Variants in ANKS1B observed in about 807,000 individuals in gnomAD.
The protein encoded by ANKS1B is ankyrin repeat and sterile alpha motif domain containing 1B.
ANKS1B carries 36 observed loss-of-function variants against 148.3 expected under a neutral mutation model. The ratio of observed to expected loss-of-function variants is 0.24; its 90% CI spans 0.19 to 0.32. The LOEUF (loss-of-function observed/expected upper bound fraction) is 0.32. ANKS1B is among the 10% of genes least tolerant of loss of function. The pLI is 1.00. For missense variants in ANKS1B, 1,157 were observed against 1,542.6 expected (o/e 0.75, Z 4.19); for synonymous variants, 542 against 560.8 (o/e 0.97, Z 0.47).
intron 15 of ANKS1B, among the ~76,000 whole-genome samples, chr12:99,121,653 G>A (rs1185795899): frequency 6.6e-6 from 1 of 152,188 alleles, no homozygotes; most frequent in Non-Finnish European, 1.5e-5. Flanking sequence ...TATCCTGGCA[G>A]TGGAGAGGAA....
intron 14 of ANKS1B, among the ~76,000 whole-genome samples, chr12:99,157,610 G>T (rs969999144): frequency 2.6e-5 from 4 of 151,942 alleles, no homozygotes; most frequent in Admixed American, 6.6e-5. Flanking sequence ...AAATGTGTGT[G>T]TGCACAAAAC....
At chr12:99,769,987 C>T (rs2063037216) in intron 8 of ANKS1B, among the ~76,000 whole-genome samples, 1 of 152,166 alleles carries the variant, frequency 6.6e-6, no homozygotes, top group Non-Finnish European at 1.5e-5. Flanking sequence ...TCCCTACCTC[C>T]ACAAAGACTT....
intron 10 of ANKS1B, among the ~76,000 whole-genome samples, chr12:99,460,532 A>T (rs2095937845): frequency 6.6e-6 from 1 of 151,832 alleles, no homozygotes; most frequent in African/African-American, 2.4e-5. Context: ...AAAAGCTACA[A>T]GGAACTCAAA....
chr12:98,810,590 A>G (rs1267727608), intron 19 of ANKS1B, among the ~76,000 whole-genome samples: 1 of 151,970 alleles, frequency 6.6e-6, no homozygotes. Context: ...TACTAAATTC[A>G]TATATATATA....
At chr12:99,772,526 C>A (rs1198624495) in intron 8 of ANKS1B, among the ~76,000 whole-genome samples, 2 of 152,082 alleles carry the variant, frequency 1.3e-5, no homozygotes, top group Non-Finnish European at 2.9e-5. Context: ...AGTGAGGAAA[C>A]TATACGTGTG....
chr12:99,140,485 G>A (rs1179251696), intron 15 of ANKS1B, among the ~76,000 whole-genome samples: 1 of 152,166 alleles, frequency 6.6e-6, no homozygotes, highest in East Asian at 1.9e-4. Context: ...TGGCTAATCA[G>A]TAATTCTAAC....
chr12:99,453,062 G>A (rs2095779185), intron 10 of ANKS1B, among the ~76,000 whole-genome samples: 1 of 152,138 alleles, frequency 6.6e-6, no homozygotes, highest in Admixed American at 6.5e-5. Flanking sequence ...AGGCCAAGGT[G>A]GGCGGATCAC....
intron 1 of ANKS1B, among the ~76,000 whole-genome samples, chr12:99,841,054 C>T (rs753741727): frequency 1.8e-4 from 27 of 152,040 alleles, no homozygotes; most frequent in Non-Finnish European, 3.4e-4. Flanking sequence ...AATGCTGATC[C>T]CCTCCCTAAC....
chr12:98,834,373 C>A (rs534479427), intron 17 of ANKS1B, among the ~76,000 whole-genome samples: 1 of 152,252 alleles, frequency 6.6e-6, no homozygotes, highest in Admixed American at 6.5e-5. Flanking sequence ...TTTTAATACC[C>A]GTTTAAAATG....
At chr12:99,041,217 C>G (rs1407854943) in intron 17 of ANKS1B, among the ~76,000 whole-genome samples, 1 of 152,110 alleles carries the variant, frequency 6.6e-6, no homozygotes, top group East Asian at 1.9e-4. Flanking sequence ...TACTATTATT[C>G]CCTGTGCTCA....
chr12:99,526,013 G>C (rs2096923101), intron 9 of ANKS1B, among the ~76,000 whole-genome samples: 1 of 151,936 alleles, frequency 6.6e-6, no homozygotes, highest in Non-Finnish European at 1.5e-5. Context: ...AATGAGCAAA[G>C]ATTACAGGCA....
At chr12:98,997,138 T>C (rs1228047503) in intron 17 of ANKS1B, among the ~76,000 whole-genome samples, 1 of 152,116 alleles carries the variant, frequency 6.6e-6, no homozygotes, top group East Asian at 1.9e-4. Context: ...ACCCCAAATA[T>C]ACCCATCAGT....
intron 14 of ANKS1B, among the ~76,000 whole-genome samples, chr12:99,201,645 T>C (rs1285425163): frequency 2.6e-5 from 4 of 152,202 alleles, no homozygotes; most frequent in Non-Finnish European, 5.9e-5. Flanking sequence ...AAATTTTGCA[T>C]GTATACATCT....
chr12:99,319,563 T>C (rs1272428508), intron 12 of ANKS1B, among the ~76,000 whole-genome samples: 3 of 152,240 alleles, frequency 2.0e-5, no homozygotes, highest in Admixed American at 6.5e-5. Context: ...TTTGAGCCTA[T>C]GTGTGTCTCT....
downstream of ANKS1B, among the ~76,000 whole-genome samples, chr12:98,742,701 G>T (rs534959588): frequency 3.3e-4 from 50 of 152,368 alleles, no homozygotes; most frequent in African/African-American, 1.2e-3. Flanking sequence ...ATGGTCAAAA[G>T]GCCTGAGCAA....
intron 10 of ANKS1B, among the ~76,000 whole-genome samples, chr12:99,470,865 A>G (rs2096230607): frequency 6.6e-6 from 1 of 152,168 alleles, no homozygotes; most frequent in African/African-American, 2.4e-5. Context: ...ATATTTTGGC[A>G]TAAATGTGAC....
intron 12 of ANKS1B, among the ~76,000 whole-genome samples, chr12:99,357,869 C>T (rs921355585): frequency 3.3e-5 from 5 of 152,006 alleles, no homozygotes; most frequent in Admixed American, 2.0e-4. Context: ...CCCTTCTTAG[C>T]CTGCTCTTAG....
At chr12:98,793,866 C>A (rs1324872156) in intron 22 of ANKS1B, among the ~76,000 whole-genome samples, 2 of 152,082 alleles carry the variant, frequency 1.3e-5, no homozygotes, top group Admixed American at 6.6e-5. Flanking sequence ...AGCCCCAGGG[C>A]AAAATTCAGG....
intron 22 of ANKS1B, 118 bp from the exon 23 acceptor site, chr12:98,782,255 AAAG>A: frequency 1.2e-6 from 1 of 858,698 alleles, no homozygotes; most frequent in Non-Finnish European, 1.9e-6. Context: ...TTAAAAAACA[AAAG>A]ATGCCACAAA....
Sources: allele counts gnomAD v4.1 joint callset (sites outside exome capture counted in the v4.1 genomes callset), GRCh38; gene constraint gnomAD v4.1.1; transcripts MANE v1.5; gene names NCBI Gene and HGNC (gene_info 2026-07-23, HGNC 2026-07-21).